B4GALNT4: variants seen among roughly 807,000 people sequenced by gnomAD.
B4GALNT4 encodes the protein beta-1,4-N-acetyl-galactosaminyltransferase 4, also known as N-acetyl-beta-glucosaminyl-glycoprotein 4-beta-N-acetylgalactosaminyltransferase 1.
B4GALNT4 carries 77 observed loss-of-function variants against 110.0 expected under a neutral mutation model. The ratio of observed to expected loss-of-function variants is 0.70; its 90% CI spans 0.58 to 0.85. B4GALNT4 has a LOEUF of 0.85. B4GALNT4 is among the 40% of genes least tolerant of loss of function. B4GALNT4 has a pLI of 0.00. For missense variants in B4GALNT4, 1,575 were observed against 1,506.0 expected (o/e 1.05, Z -0.76); for synonymous variants, 785 against 655.5 (o/e 1.20, Z -3.02).
rs1554915770 is a variant in B4GALNT4, at chr11:379,847, C to CCG, written c.2489-18_2489-17insGC. 11 of 1,578,110 alleles carry CCG rather than the reference C, an allele frequency of 7.0e-6. No individual in the cohort carries two copies. The African/African-American group carries it at 9.4e-5, about 14-fold the overall frequency. ...GAGTCAGCGTCGGCTCAGCGCCCCC[C>CCG]CCGCCTTTTCTCCTCCAGTGAAAAA... On this transcript the variant is annotated intron_variant, in intron 15 of 19. Transcript: ENST00000329962.
In B4GALNT4 at chr11:380,660, C is replaced by T. The variant is rs185510042; in HGVS notation, c.2870-165C>T. On this transcript the variant is annotated intron_variant, in intron 18 of 19. Transcript: ENST00000329962. ...TCCTCCAGTATCCCGCGTTTATGCA[C>T]CGCGCTCCAGGGTCATGACCCAGTA... The T allele has an allele frequency of 1.3e-4, 167 of 1,318,234 alleles. No homozygotes were observed. In the African/African-American group the frequency reaches 2.2e-3, roughly 17 times the overall value. 81.7% of individuals were successfully genotyped at this position (1,318,234 alleles called of 1,614,324 possible).
intron 8 of B4GALNT4, 126 bp from the exon 9 acceptor site, chr11:375,335 T>C: frequency 1.0e-6 from 1 of 991,152 alleles, no homozygotes; most frequent in Non-Finnish European, 1.6e-6. Flanking sequence ...CCCTCTGCCA[T>C]CTCCTCTCCT....
chr11:370,300 GC>G (rs1268428572), intron 1 of B4GALNT4, among the ~76,000 whole-genome samples: 1 of 152,034 alleles, frequency 6.6e-6, no homozygotes, highest in Non-Finnish European at 1.5e-5. Flanking sequence ...GGAAGTCTCT[GC>G]CCCTAGACCC....
At position 376,941 on chromosome 11, in the gene B4GALNT4, G is replaced by A; in HGVS notation, c.1818G>A (p.Thr606=). ...GGGGCCGGGAGGGCCAGGCGCGCAC[G>A]CTGGGACCTGCGGCGCCCACAGTGG... ...TQGGREGQAR[T]LGPAAPTVDS... The change falls in exon 14 of 20, where the codon ACG becomes ACA. Residue 606 remains threonine (T), a synonymous_variant. Transcript: ENST00000329962. The A allele has an allele frequency of 7.0e-7, 1 of 1,436,470 alleles. No individual in the cohort carries two copies. 89.0% of individuals were successfully genotyped at this position (1,436,470 alleles called of 1,614,324 possible).
Position 381,816 on chromosome 11 carries a change from C to G in B4GALNT4, c.*24C>G. The G allele has an allele frequency of 6.4e-7, 1 of 1,553,918 alleles. No homozygotes were observed. Among genetic ancestry groups the G allele is most frequent in the Non-Finnish European group, 8.7e-7 (1 of 1,155,564 alleles). ...GAGGACGGGCAGCCCCTCCCAGCCC[C>G]GGTGGGAGTCCCGAGGCAGCTGCTG... On this transcript the variant is annotated 3_prime_UTR_variant, in exon 20 of 20. Coordinates refer to ENST00000329962, the MANE Select transcript of B4GALNT4 (RefSeq NM_178537.5).
intron 7 of B4GALNT4, 114 bp downstream of exon 7, chr11:373,630 C>T: frequency 6.6e-7 from 1 of 1,514,784 alleles, no homozygotes; most frequent in Non-Finnish European, 9.1e-7. Flanking sequence ...ACCCGCCCGG[C>T]CAAGCTGCCA....
Position 375,345 on chromosome 11 carries a change from T to G in B4GALNT4, c.784-116T>G. ...CGGACCCCTCTGCCATCTCCTCTCC[T>G]GCATCCTTTAAGGGATTGGTCCTAT... On this transcript the variant is annotated intron_variant, in intron 8 of 19. Transcript: ENST00000329962. 8 of 1,080,552 alleles carry G rather than the reference T, an allele frequency of 7.4e-6. No homozygotes were observed. In the Admixed American group the frequency reaches 1.2e-4, roughly 16 times the overall value. The allele number at this position is 1,080,552 out of a possible 1,614,324, so 66.9% of individuals were successfully genotyped here. A position where few individuals can be genotyped will look rare whatever the true frequency, so the allele number is the denominator to read the frequency against.
chr11:380,682 A>C (rs748640950), intron 18 of B4GALNT4, 143 bp from the exon 19 acceptor site: 21 of 1,409,546 alleles, frequency 1.5e-5, no homozygotes, highest in Non-Finnish European at 2.1e-5. Flanking sequence ...GTCATGACCC[A>C]GTACCACCGG....
At position 381,975 on chromosome 11, in the gene B4GALNT4, G is replaced by T; in HGVS notation, c.*183G>T. On this transcript the variant is annotated 3_prime_UTR_variant, in exon 20 of 20. Coordinates refer to ENST00000329962, the MANE Select transcript of B4GALNT4 (RefSeq NM_178537.5). ...CCCGGAGAGGCAGCCTTCACGGCGG[G>T]TCAGGGCCTGGCCTTGGTCCCCACT... 1 of 631,608 alleles carries T rather than the reference G, an allele frequency of 1.6e-6. No homozygotes were observed. Among genetic ancestry groups the T allele is most frequent in the Admixed American group, 4.2e-5 (1 of 23,556 alleles). The allele number at this position is 631,608 out of a possible 1,614,324, so 39.1% of individuals were successfully genotyped here.
intron 18 of B4GALNT4, 170 bp downstream of exon 18, chr11:380,615 TGCCAGGG>T: frequency 7.8e-7 from 1 of 1,274,800 alleles, no homozygotes; most frequent in Non-Finnish European, 1.1e-6. Context: ...CCCAGGGCCA[TGCCAGGG>T]GCCCCAGGAA....
At position 376,143 on chromosome 11, in the gene B4GALNT4, T is replaced by G. The variant is rs564737179; in HGVS notation, c.1165T>G (p.Phe389Val). The change falls in exon 12 of 20, where the codon TTC becomes GTC. Residue 389 changes from phenylalanine (F) to valine (V), a missense_variant. By Grantham distance (50) the Phe-to-Val change is conservative. Transcript: ENST00000329962. ...LTHMETDNKC[F>V]YRESPLYLER... ...CCACATGGAGACGGACAACAAGTGCTTCTACCGCGAGTCTCCGCTGTATCT... is the reference window on the plus strand; with the variant it reads ...CCACATGGAGACGGACAACAAGTGCGTCTACCGCGAGTCTCCGCTGTATCT... 2.3e-5 allele frequency: 37 copies of G among 1,606,410 alleles called. No homozygotes were observed. The Admixed American group carries it at 6.2e-4, about 27-fold the overall frequency.
intron 2 of B4GALNT4, 144 bp downstream of exon 2, chr11:372,356 G>T: frequency 1.3e-6 from 1 of 779,534 alleles, no homozygotes; most frequent in Non-Finnish European, 2.2e-6. Context: ...GGCACAGCTT[G>T]TCTGTGTGAG....
intron 19 of B4GALNT4, 88 bp downstream of exon 19, chr11:381,039 G>T: frequency 6.6e-7 from 1 of 1,525,076 alleles, no homozygotes; most frequent in East Asian, 2.4e-5. Flanking sequence ...TGCCCCCCAC[G>T]GCGCCCACAT....
Position 376,579 on chromosome 11 carries a change from G to A in B4GALNT4, c.1456G>A (p.Gly486Arg), listed in dbSNP as rs775237567. The change falls in exon 14 of 20, where the codon GGG becomes AGG. Residue 486 changes from glycine (G) to arginine (R), a missense_variant. Gly to Arg is a moderately radical substitution (Grantham distance 125). Coordinates refer to ENST00000329962, the MANE Select transcript of B4GALNT4 (RefSeq NM_178537.5). ...GACCCCTCCCCGCCCCCGGGACGGG[G>A]GGACCCCCAGGCACTCCCGGGCCCT... The part of the protein sequence containing the change: ...PPTPPRPRDG[G>R]TPRHSRALSW... 1.5e-5 allele frequency: 20 copies of A among 1,354,050 alleles called. No homozygotes were observed. Among genetic ancestry groups the A allele is most frequent in the African/African-American group, 1.6e-5 (1 of 64,034 alleles). 83.9% of individuals were successfully genotyped at this position (1,354,050 alleles called of 1,614,324 possible). A position where few individuals can be genotyped will look rare whatever the true frequency, so the allele number is the denominator to read the frequency against.
At chr11:378,625 G>A (rs1846807925) in intron 14 of B4GALNT4, among the ~76,000 whole-genome samples, 1 of 152,224 alleles carries the variant, frequency 6.6e-6, no homozygotes, top group African/African-American at 2.4e-5. Flanking sequence ...GACTGCCAAG[G>A]GAGGACGTGA....
In B4GALNT4 at chr11:380,289, C is replaced by A. The variant is rs1213489092; in HGVS notation, c.2716-3C>A. 3 of 1,612,816 alleles carry A rather than the reference C, an allele frequency of 1.9e-6. No homozygotes were observed. In the Admixed American group the frequency reaches 5.0e-5, roughly 27 times the overall value. On this transcript the variant is annotated splice_region_variant and splice_polypyrimidine_tract_variant and intron_variant, in intron 17 of 19. Transcript: ENST00000329962. ...CGGGGCTCAGACCTCCCGCACCCCC[C>A]AGGACGCCAGCAGCATCGTGTTCCT...
chr11:380,618 C>T (rs2133581498), intron 18 of B4GALNT4, 173 bp downstream of exon 18: 1 of 1,257,418 alleles, frequency 8.0e-7, no homozygotes, highest in South Asian at 1.3e-5. Flanking sequence ...AGGGCCATGC[C>T]AGGGGCCCCA....
chr11:376,504 T>TCCCCCGCCCCAGCAG lies in B4GALNT4; in HGVS notation c.1391_1405dup (p.Pro464_Ala468dup). Reference sequence around the variant, plus strand: ...GGCCCCGCCCAGGAGCGGCCCCCAGTCCCCCGCCCCAGCAGCCCCCGCCCA... The same window carrying TCCCCCGCCCCAGCAG: ...GGCCCCGCCCAGGAGCGGCCCCCAGTCCCCCGCCCCAGCAGCCCCCGCCCCAGCAGCCCCCGCCCA... On this transcript the variant is annotated inframe_insertion, in exon 14 of 20. Coordinates refer to ENST00000329962, the MANE Select transcript of B4GALNT4 (RefSeq NM_178537.5). The TCCCCCGCCCCAGCAG allele has an allele frequency of 2.6e-6, 4 of 1,523,020 alleles. No individual in the cohort carries two copies. The highest frequency in any genetic ancestry group is 3.5e-6 in the Non-Finnish European group (4 of 1,143,030). 94.3% of individuals were successfully genotyped at this position (1,523,020 alleles called of 1,614,324 possible).
chr11:377,265 G>GGAGGCGGA lies in B4GALNT4; in HGVS notation c.2144_2151dup (p.Ala718ArgfsTer7). The stretch of plus-strand genomic sequence containing the variant: ...ACGTTTCGGGGAACCTGCAGCTGCC[G>GGAGGCGGA]GAGGCGGAGGCCGTGGACGTGACCG... On this transcript the variant is annotated frameshift_variant, in exon 14 of 20. Coordinates refer to ENST00000329962, the MANE Select transcript of B4GALNT4 (RefSeq NM_178537.5). LOFTEE classifies it high-confidence loss of function. The GGAGGCGGA allele has an allele frequency of 6.3e-7, 1 of 1,594,396 alleles. No individual in the cohort carries two copies. Among genetic ancestry groups the GGAGGCGGA allele is most frequent in the Non-Finnish European group, 8.5e-7 (1 of 1,171,740 alleles).
Sources: allele counts gnomAD v4.1 joint callset (sites outside exome capture counted in the v4.1 genomes callset), GRCh38; gene constraint gnomAD v4.1.1; transcripts MANE v1.5; gene names NCBI Gene and HGNC (gene_info 2026-07-23, HGNC 2026-07-21).